CEP250: variants seen among roughly 807,000 people sequenced by gnomAD.
CEP250 encodes centrosomal protein 250.
CEP250 carries 242 observed loss-of-function variants against 315.7 expected under a neutral mutation model. The observed-to-expected ratio is 0.77, with a 90% confidence interval of 0.69 to 0.85. The LOEUF is 0.85. Ranked by LOEUF, CEP250 falls within the 40% of genes least tolerant of loss-of-function variation. The pLI is 0.00. For missense variants in CEP250, 2,515 were observed against 2,886.4 expected (o/e 0.87, Z 2.95); for synonymous variants, 1,088 against 1,175.0 (o/e 0.93, Z 1.51).
rs111852207 is a variant in CEP250, at chr20:35,495,708, C to T, written c.3168-869C>T. Among the ~76,000 whole-genome samples the T allele has an allele frequency of 1.4e-4, 22 of 152,174 alleles. 2 individuals carry two copies. Among genetic ancestry groups the T allele is most frequent in the African/African-American group, 5.1e-4 (21 of 41,516 alleles). Reference sequence around the variant, plus strand: ...GAGGTTGCAGTGAGCTGAGATCACACCACTGCACTCCAGCCTCGGTGACAG... The same window carrying T: ...GAGGTTGCAGTGAGCTGAGATCACATCACTGCACTCCAGCCTCGGTGACAG... On this transcript the variant is annotated intron_variant, in intron 24 of 34. Coordinates refer to ENST00000397527, the MANE Select transcript of CEP250 (RefSeq NM_007186.6).
At chr20:35,478,908 C>T (rs1325933914) in intron 17 of CEP250, among the ~76,000 whole-genome samples, 1 of 152,178 alleles carries the variant, frequency 6.6e-6, no homozygotes, top group Non-Finnish European at 1.5e-5. Flanking sequence ...CGGACTCTCC[C>T]TTCACAGAGT....
rs776162097 is a variant in CEP250 at position 35,466,124 on chromosome 20, G to A, written c.412G>A (p.Val138Met). The change falls in exon 7 of 35, where the codon GTG becomes ATG. Residue 138 changes from valine to methionine, a missense_variant. Physicochemically the swap from Val to Met is conservative, Grantham distance 21. Transcript: ENST00000397527. ...DVVNKALREDVEKLTVDWSRA... is the reference protein window; with the variant it reads ...DVVNKALREDMEKLTVDWSRA... ...GGTGAATAAAGCCCTTAGGGAAGATGTGGAAAAACTGACAGTGGACTGGAG... is the reference window on the plus strand; with the variant it reads ...GGTGAATAAAGCCCTTAGGGAAGATATGGAAAAACTGACAGTGGACTGGAG... 27 of 1,614,102 alleles carry A rather than the reference G, an allele frequency of 1.7e-5. No homozygotes were observed. Among genetic ancestry groups the A allele is most frequent in the Non-Finnish European group, 2.0e-5 (24 of 1,180,008 alleles).
intron 34 of CEP250, 150 bp from the exon 35 acceptor site, chr20:35,511,213 C>A: frequency 1.5e-6 from 1 of 653,552 alleles, no homozygotes; most frequent in Non-Finnish European, 2.6e-6. Flanking sequence ...CCTCTAAACT[C>A]TCTACAGCCT....
chr20:35,472,688 G>T lies in CEP250; in HGVS notation c.1066G>T (p.Gly356Trp), dbSNP rs1461743489. The part of the protein sequence containing the change: ...KDITQVMVEE[G>W]DNIAQGSGHE... Reference sequence around the variant, plus strand: ...TGGGTTTCAGGTCATGGTGGAAGAAGGGGACAATATAGCCCAAGGCTCTGG... The same window carrying T: ...TGGGTTTCAGGTCATGGTGGAAGAATGGGACAATATAGCCCAAGGCTCTGG... The change falls in exon 12 of 35, where the codon GGG (glycine) becomes TGG (tryptophan). Residue 356 changes from glycine (G) to tryptophan (W), a missense_variant. Transcript: ENST00000397527. The T allele has an allele frequency of 6.2e-7, 1 of 1,614,172 alleles. No individual in the cohort carries two copies.
chr20:35,504,893 A>T lies in CEP250; in HGVS notation c.6524A>T (p.Asp2175Val), dbSNP rs770308893. 5 of 1,614,202 alleles carry T rather than the reference A, an allele frequency of 3.1e-6. No homozygotes were observed. The highest frequency in any genetic ancestry group is 3.4e-6 in the Non-Finnish European group (4 of 1,180,040). ...ATTGAGTGGAGGGAGAAGGCCCAGG[A>T]CTTGGCACTCTCCCTAGCGCAGACC... ...REIEWREKAQ[D>V]LALSLAQTKA... Residue 2175 changes from aspartate to valine, a missense_variant, in exon 30 of 35, where the codon GAC (aspartate) becomes GTC (valine). Asp to Val is a radical substitution (Grantham distance 152). Coordinates refer to ENST00000397527, the MANE Select transcript of CEP250 (RefSeq NM_007186.6).
rs757967492 is a variant in CEP250, at chr20:35,473,591, G to A, written c.1388+39G>A. 6 of 1,536,932 alleles carry A rather than the reference G, an allele frequency of 3.9e-6. No individual in the cohort carries two copies. In the South Asian group the frequency reaches 6.2e-5, roughly 16 times the overall value. On this transcript the variant is annotated intron_variant, in intron 13 of 34. Transcript: ENST00000397527. ...CTGTTCATCCCACCCTCCCAGCCTG[G>A]TCTCAGTCTCAGTCACCATCCAGCC...
In CEP250 at chr20:35,517,791, G is replaced by C. The variant is rs2064448797; in HGVS notation, c.*6165G>C. On this transcript the variant is annotated 3_prime_UTR_variant, in exon 35 of 35. Transcript: ENST00000397527. ...AAATTAAAGAAGTTAAACAGTGCCG[G>C]GCTTGGGGGCTCACGCCTGTAATCC... is the stretch of plus-strand genomic sequence containing the variant. 1 of 151,860 alleles carries C rather than the reference G, an allele frequency of 6.6e-6. No individual in the cohort carries two copies. 9.4% of individuals were successfully genotyped at this position (151,860 alleles called of 1,614,324 possible).
Position 35,473,560 on chromosome 20 carries a change from G to T in CEP250, c.1388+8G>T. The T allele has an allele frequency of 6.2e-7, 1 of 1,603,670 alleles. No homozygotes were observed. The highest frequency in any genetic ancestry group is 2.2e-5 in the East Asian group (1 of 44,700). On this transcript the variant is annotated splice_region_variant and intron_variant, in intron 13 of 34. Coordinates refer to ENST00000397527, the MANE Select transcript of CEP250 (RefSeq NM_007186.6). ...GGTGGACTCTCTCAGCAAGTGAGCA[G>T]ACGGGCTGTTCATCCCACCCTCCCA...
chr20:35,480,229 A>G (rs751463033), intron 20 of CEP250, 84 bp downstream of exon 20: 490 of 1,374,008 alleles, frequency 3.6e-4, no homozygotes, highest in Non-Finnish European at 4.6e-4. Context: ...TGCTGCTCGT[A>G]TGAGTGAAAT....
chr20:35,513,365 TCTC>T lies in CEP250; in HGVS notation c.*1742_*1744del, dbSNP rs1257288782. 1 of 152,036 alleles carries T rather than the reference TCTC, an allele frequency of 6.6e-6. No homozygotes were observed. The highest frequency in any genetic ancestry group is 1.5e-5 in the Non-Finnish European group (1 of 68,026). The allele number at this position is 152,036 out of a possible 1,614,324, so 9.4% of individuals were successfully genotyped here. Reference sequence around the variant, plus strand: ...CATCCACCTCCTGGGTTCAAGCAATTCTCCTGCCTCGGCCTCCTGTGTATCTGG... The same window carrying T: ...CATCCACCTCCTGGGTTCAAGCAATTCTGCCTCGGCCTCCTGTGTATCTGG... On this transcript the variant is annotated 3_prime_UTR_variant, in exon 35 of 35. Coordinates refer to ENST00000397527, the MANE Select transcript of CEP250 (RefSeq NM_007186.6).
intron 23 of CEP250, chr20:35,494,301 TCTATGCAGCATATGTGAGGCTG>T: frequency 7.6e-6 from 4 of 526,758 alleles, no homozygotes; most frequent in Non-Finnish European, 1.3e-5. Context: ...TGTGCCTGCC[TCTATGCAGCATATGTGAGGCTG>T]GGAGGCAGAT....
rs1358254007 is a variant in CEP250 at position 35,511,433 on chromosome 20, A to G, written c.7136A>G (p.Gln2379Arg). Residue 2379 changes from glutamine to arginine, a missense_variant, in exon 35 of 35, where the codon CAG becomes CGG. Gln to Arg is a conservative substitution (Grantham distance 43). Coordinates refer to ENST00000397527, the MANE Select transcript of CEP250 (RefSeq NM_007186.6). ...QKQDYITRSA[Q>R]TSRELAGLHH... The stretch of plus-strand genomic sequence containing the variant: ...CAGGACTACATCACCCGCTCAGCAC[A>G]GACCAGCCGTGAGCTAGCAGGCCTG... 6.2e-7 allele frequency: 1 copy of G among 1,613,878 alleles called. No homozygotes were observed. The highest frequency in any genetic ancestry group is 1.3e-5 in the African/African-American group (1 of 74,916).
chr20:35,473,952 A>G lies in CEP250; in HGVS notation c.1471A>G (p.Arg491Gly). 1 of 1,611,758 alleles carries G rather than the reference A, an allele frequency of 6.2e-7. No individual in the cohort carries two copies. The highest frequency in any genetic ancestry group is 8.5e-7 in the Non-Finnish European group (1 of 1,179,272). The change falls in exon 14 of 35, where the codon AGG becomes GGG. Residue 491 changes from arginine to glycine, a missense_variant. Arg to Gly is a moderately radical substitution (Grantham distance 125). Transcript: ENST00000397527. Reference protein sequence around the residue: ...VLEQEAWRLRRVNVELQLQGD... With the variant: ...VLEQEAWRLRGVNVELQLQGD... ...AGAGCAGGAGGCATGGCGCCTGCGA[A>G]GGGTAAATGTGGAGCTTCAGCTGCA...
upstream of CEP250, chr20:35,455,293 C>T (rs945213218): frequency 6.6e-6 from 1 of 152,286 alleles, no homozygotes; most frequent in Non-Finnish European, 1.5e-5. Flanking sequence ...GTCCGAGGCC[C>T]GGAGACCCGC....
Position 35,503,821 on chromosome 20 carries a change from G to A in CEP250, c.5452G>A (p.Glu1818Lys), listed in dbSNP as rs2064095070. 1 of 1,613,966 alleles carries A rather than the reference G, an allele frequency of 6.2e-7. No individual in the cohort carries two copies. The highest frequency in any genetic ancestry group is 8.5e-7 in the Non-Finnish European group (1 of 1,180,006). ...GAGAGCCCTAGCCCAGAGGGACCAG[G>A]AACTGGAGGCTCTGCAGCAAGAACA... ...AQRALAQRDQELEALQQEQQQ... is the reference protein window; with the variant it reads ...AQRALAQRDQKLEALQQEQQQ... The change falls in exon 30 of 35, where the codon GAA becomes AAA. Residue 1818 changes from glutamate to lysine, a missense_variant. By Grantham distance (56) the Glu-to-Lys change is moderately conservative. Coordinates refer to ENST00000397527, the MANE Select transcript of CEP250 (RefSeq NM_007186.6). This position sits in a 1 kb window ranked among gnomAD's most constrained non-coding sequence, Gnocchi z 4.2.
chr20:35,491,452 G>A, intron 22 of CEP250, 106 bp downstream of exon 22: 1 of 1,213,572 alleles, frequency 8.2e-7, no homozygotes, highest in Non-Finnish European at 1.2e-6. Context: ...TGTGCTAGGT[G>A]CTGACATATG....
chr20:35,467,700 T>A, intron 9 of CEP250, 145 bp downstream of exon 9: 1 of 925,916 alleles, frequency 1.1e-6, no homozygotes, highest in Non-Finnish European at 1.6e-6. Context: ...CTTTGAAACC[T>A]GATGCCACAG....
chr20:35,472,935 C>T, intron 12 of CEP250, 104 bp downstream of exon 12: 2 of 1,170,216 alleles, frequency 1.7e-6, no homozygotes, highest in Non-Finnish European at 2.5e-6. Flanking sequence ...ACTTTTTTGA[C>T]CAGTCATGAG....
chr20:35,460,814 A>G (rs538442516), intron 3 of CEP250, among the ~76,000 whole-genome samples: 1 of 152,378 alleles, frequency 6.6e-6, no homozygotes, highest in East Asian at 1.9e-4. Flanking sequence ...CTTATGGCTT[A>G]GCTCTGCCAG....
Sources: allele counts gnomAD v4.1 joint callset (sites outside exome capture counted in the v4.1 genomes callset), GRCh38; gene constraint gnomAD v4.1.1; non-coding constraint Gnocchi (gnomAD v3.1); transcripts MANE v1.5; gene names NCBI Gene and HGNC (gene_info 2026-07-23, HGNC 2026-07-21).